Variants in MARCHF1 observed in about 807,000 individuals in gnomAD.
MARCHF1 encodes E3 ubiquitin-protein ligase MARCHF1.
MARCHF1 carries 40 observed loss-of-function variants against 54.2 expected under a neutral mutation model. That is an observed-to-expected ratio of 0.74 (90% CI 0.57 to 0.96). The LOEUF (loss-of-function observed/expected upper bound fraction) is 0.96, where lower values mean the gene tolerates loss of function less well. Ranked by LOEUF, MARCHF1 falls within the 40% of genes least tolerant of loss-of-function variation. The probability of loss-of-function intolerance (pLI) is 0.00; values close to 1 mark genes in which losing one functional copy is unlikely to be tolerated. For missense variants in MARCHF1, 586 were observed against 656.5 expected, an observed-to-expected ratio of 0.89 and a Z score of 1.17; for synonymous variants, 236 against 236.3, an observed-to-expected ratio of 1.00 and a Z score of 0.01.
intron 4 of MARCHF1, among the ~76,000 whole-genome samples, chr4:163,708,888 A>G (rs1197232420): frequency 6.6e-6 from 1 of 152,132 alleles, no homozygotes; most frequent in Non-Finnish European, 1.5e-5. Flanking sequence ...GTAAAATTAT[A>G]TATGGGTATG....
chr4:164,253,274 A>C (rs1471040137), intron 1 of MARCHF1, among the ~76,000 whole-genome samples: 1 of 152,128 alleles, frequency 6.6e-6, no homozygotes, highest in Non-Finnish European at 1.5e-5. Flanking sequence ...TTCAACTTCC[A>C]CTCAAAAGAG....
At chr4:163,827,549 T>C (rs1298192398) in intron 4 of MARCHF1, among the ~76,000 whole-genome samples, 1 of 152,194 alleles carries the variant, frequency 6.6e-6, no homozygotes, top group African/African-American at 2.4e-5. Flanking sequence ...AAATGTTTCC[T>C]ATTAGACTGT....
At chr4:164,365,329 C>G (rs1192355034) in intron 1 of MARCHF1, among the ~76,000 whole-genome samples, 1 of 151,960 alleles carries the variant, frequency 6.6e-6, no homozygotes, top group Admixed American at 6.6e-5. Context: ...TACTTCCATT[C>G]GACTGTTTTA....
In MARCHF1 at chr4:163,963,479, A is replaced by T. The variant is rs189388260; in HGVS notation, c.-39+25022T>A. 8.7e-4 allele frequency among the ~76,000 whole-genome samples: 133 copies of T among 152,014 alleles called. 1 individual carries two copies. The highest frequency in any genetic ancestry group is 3.4e-3 in the Middle Eastern group (1 of 294). ...TAAAGGGAAGTTTTATGGATCATTGAAAGGTGAAGCTAATGTAAGATTACT... is the reference window on the plus strand; with the variant it reads ...TAAAGGGAAGTTTTATGGATCATTGTAAGGTGAAGCTAATGTAAGATTACT... On this transcript the variant is annotated intron_variant, in intron 3 of 9. Transcript: ENST00000514618.
chr4:163,617,547 C>T (rs185144631), intron 5 of MARCHF1, among the ~76,000 whole-genome samples: 1 of 145,866 alleles, frequency 6.9e-6, no homozygotes, highest in African/African-American at 2.8e-5. Context: ...AACCTCACTT[C>T]ATTCAAGTTT....
chr4:163,553,955 C>T (rs900085256), intron 8 of MARCHF1, among the ~76,000 whole-genome samples: 1 of 152,162 alleles, frequency 6.6e-6, no homozygotes, highest in Non-Finnish European at 1.5e-5. Flanking sequence ...TGGCTCTTTT[C>T]CTCAAAAGCT....
At chr4:164,024,690 A>T (rs747314468) in intron 2 of MARCHF1, among the ~76,000 whole-genome samples, 1 of 152,160 alleles carries the variant, frequency 6.6e-6, no homozygotes, top group Non-Finnish European at 1.5e-5. Flanking sequence ...CAAGTCTACA[A>T]AACAACCAGC....
At chr4:163,548,907 A>C (rs1739003440) in intron 8 of MARCHF1, among the ~76,000 whole-genome samples, 1 of 152,234 alleles carries the variant, frequency 6.6e-6, no homozygotes, top group African/African-American at 2.4e-5. Flanking sequence ...ATGATGCTGA[A>C]ATTCAGTGGC....
intron 1 of MARCHF1, among the ~76,000 whole-genome samples, chr4:164,307,914 G>A (rs1391522253): frequency 6.6e-6 from 1 of 152,146 alleles, no homozygotes; most frequent in East Asian, 1.9e-4. Flanking sequence ...GTTCAAAACT[G>A]TGGTGCTGTA....
Position 164,167,995 on chromosome 4 carries a change from G to A in MARCHF1, c.-322-56333C>T, listed in dbSNP as rs146374725. ...AAATGAAAAGCCAATCTAGGTACTC[G>A]GAAAACATATTTGTAAAACAAACAT... is the stretch of plus-strand genomic sequence containing the variant. On this transcript the variant is annotated intron_variant, in intron 1 of 9. Transcript: ENST00000514618. Among the ~76,000 whole-genome samples, 320 of 151,820 alleles carry A rather than the reference G, an allele frequency of 2.1e-3. 1 individual carries two copies. The highest frequency in any genetic ancestry group is 7.3e-3 in the African/African-American group (301 of 41,448).
At chr4:163,671,452 C>A (rs749525827) in intron 5 of MARCHF1, among the ~76,000 whole-genome samples, 1 of 152,010 alleles carries the variant, frequency 6.6e-6, no homozygotes, top group East Asian at 1.9e-4. Context: ...AATAGTTATC[C>A]GACTTACTTT....
chr4:163,759,731 C>T (rs530301130), intron 4 of MARCHF1, among the ~76,000 whole-genome samples: 4 of 152,048 alleles, frequency 2.6e-5, no homozygotes, highest in South Asian at 2.1e-4. Context: ...AGACTTTTTT[C>T]TTTTATAAAA....
At chr4:164,117,633 C>A (rs1363394351) in intron 1 of MARCHF1, among the ~76,000 whole-genome samples, 1 of 152,028 alleles carries the variant, frequency 6.6e-6, no homozygotes, top group Non-Finnish European at 1.5e-5. Context: ...GGCACGGTGG[C>A]TCACATCTGT....
intron 1 of MARCHF1, among the ~76,000 whole-genome samples, chr4:164,213,046 C>T (rs961141436): frequency 1.3e-5 from 2 of 151,618 alleles, no homozygotes; most frequent in African/African-American, 4.9e-5. Context: ...AATGACAAGC[C>T]TGCATATATA....
At chr4:163,965,961 C>G in intron 3 of MARCHF1, among the ~76,000 whole-genome samples, 1 of 151,814 alleles carries the variant, frequency 6.6e-6, no homozygotes. Context: ...TATGATATAC[C>G]CTGAGATTGA....
intron 3 of MARCHF1, among the ~76,000 whole-genome samples, chr4:163,904,762 A>AG (rs61514399): frequency 0.94 from 142,540 of 151,736 alleles, 67,378 homozygotes; most frequent in South Asian, 0.99. Flanking sequence ...CAGGAGAGAG[A>AG]AAGAGACAGA....
intron 7 of MARCHF1, among the ~76,000 whole-genome samples, chr4:163,611,688 C>T (rs934032903): frequency 2.6e-5 from 4 of 152,060 alleles, no homozygotes; most frequent in South Asian, 2.1e-4. Flanking sequence ...TGAAACCTTT[C>T]GGTATATGTT....
chr4:163,605,258 C>T (rs1201101081), intron 7 of MARCHF1, among the ~76,000 whole-genome samples: 1 of 152,088 alleles, frequency 6.6e-6, no homozygotes, highest in Non-Finnish European at 1.5e-5. Context: ...TATAAACAGA[C>T]ACTTCTCAAA....
intron 8 of MARCHF1, among the ~76,000 whole-genome samples, chr4:163,558,592 G>C (rs1217676585): frequency 6.6e-6 from 1 of 152,214 alleles, no homozygotes; most frequent in Admixed American, 6.5e-5. Flanking sequence ...CCCGTATAGA[G>C]AGAGTCTGCA....
Sources: allele counts gnomAD v4.1 joint callset (sites outside exome capture counted in the v4.1 genomes callset), GRCh38; gene constraint gnomAD v4.1.1; transcripts MANE v1.5; gene names NCBI Gene and HGNC (gene_info 2026-07-23, HGNC 2026-07-21).